SLC12A2: variants seen among roughly 807,000 people sequenced by gnomAD.
SLC12A2 encodes the protein solute carrier family 12 member 2.
SLC12A2 carries 67 observed loss-of-function variants against 136.3 expected under a neutral mutation model. The observed-to-expected ratio is 0.49, with a 90% confidence interval of 0.40 to 0.60. The LOEUF is 0.60. Ranked by LOEUF, SLC12A2 falls within the 20% of genes least tolerant of loss-of-function variation. The probability of loss-of-function intolerance (pLI) is 0.00; values close to 1 mark genes in which losing one functional copy is unlikely to be tolerated. For synonymous variants in SLC12A2, 619 were observed against 562.9 expected (o/e 1.10, Z -1.41); for missense variants, 1,322 against 1,534.7 (o/e 0.86, Z 2.32).
chr5:128,103,059 C>T (rs1004664173), intron 1 of SLC12A2, among the ~76,000 whole-genome samples: 6 of 152,086 alleles, frequency 3.9e-5, no homozygotes, highest in Non-Finnish European at 7.4e-5. Flanking sequence ...CGTTTTTATA[C>T]GAGTATCTTG....
intron 17 of SLC12A2, among the ~76,000 whole-genome samples, chr5:128,165,918 T>TTCC (rs1561698417): frequency 2.4e-4 from 20 of 83,816 alleles, no homozygotes; most frequent in South Asian, 5.3e-4. Context: ...TTCTTTTACC[T>TTCC]CCCCCCCCCC....
chr5:128,112,524 G>C (rs189107738), intron 1 of SLC12A2, among the ~76,000 whole-genome samples: 1 of 152,190 alleles, frequency 6.6e-6, no homozygotes, highest in East Asian at 1.9e-4. Context: ...GCAAACAGGA[G>C]TCATTGTTTC....
At chr5:128,120,033 CA>C (rs1761495692) in intron 4 of SLC12A2, among the ~76,000 whole-genome samples, 1 of 151,796 alleles carries the variant, frequency 6.6e-6, no homozygotes, top group Non-Finnish European at 1.5e-5. Context: ...ACAACCCCAT[CA>C]AAAAGTGGGC....
At chr5:128,130,252 T>TA (rs1345952796) in intron 4 of SLC12A2, among the ~76,000 whole-genome samples, 1 of 151,674 alleles carries the variant, frequency 6.6e-6, no homozygotes, top group Non-Finnish European at 1.5e-5. Context: ...TCTCTACTAA[T>TA]AATACAAAAA....
chr5:128,102,828 C>A (rs1231712992), intron 1 of SLC12A2, among the ~76,000 whole-genome samples: 2 of 151,216 alleles, frequency 1.3e-5, no homozygotes, highest in Non-Finnish European at 2.9e-5. Flanking sequence ...ACCTTTGTTG[C>A]CCAAGCTGGT....
At chr5:128,101,895 A>T (rs1424920837) in intron 1 of SLC12A2, among the ~76,000 whole-genome samples, 1 of 152,210 alleles carries the variant, frequency 6.6e-6, no homozygotes, top group Non-Finnish European at 1.5e-5. Flanking sequence ...CTTTAACACC[A>T]CCATGTGGAA....
At chr5:128,114,563 A>G (rs1396613971) in intron 3 of SLC12A2, 23 bp from the exon 4 acceptor site, 6 of 1,487,040 alleles carry the variant, frequency 4.0e-6, no homozygotes, top group East Asian at 2.3e-5. Context: ...AAGTATTCTC[A>G]TTGTCTTTCT....
At position 128,131,225 on chromosome 5, in the gene SLC12A2, A is replaced by G. The variant is rs1380476245; in HGVS notation, c.1188+19A>G. 1.2e-6 allele frequency: 2 copies of G among 1,613,080 alleles called. No homozygotes were observed. Among genetic ancestry groups the G allele is most frequent in the Non-Finnish European group, 1.7e-6 (2 of 1,179,246 alleles). On this transcript the variant is annotated intron_variant, in intron 5 of 26. Transcript: ENST00000262461. ...GCTTAAGGTAATTCACCTTCCTTCTAGTCATTCGTTTACCAAATCTTTATT... is the reference window on the plus strand; with the variant it reads ...GCTTAAGGTAATTCACCTTCCTTCTGGTCATTCGTTTACCAAATCTTTATT...
chr5:128,113,672 AAG>A (rs1761240274), intron 2 of SLC12A2, among the ~76,000 whole-genome samples: 1 of 152,198 alleles, frequency 6.6e-6, no homozygotes, highest in Non-Finnish European at 1.5e-5. Flanking sequence ...AGTGTTTTAG[AAG>A]ACTATGTTCT....
At chr5:128,134,731 A>T (rs1462880595) in intron 6 of SLC12A2, among the ~76,000 whole-genome samples, 1 of 152,100 alleles carries the variant, frequency 6.6e-6, no homozygotes, top group Non-Finnish European at 1.5e-5. Flanking sequence ...TCTGGAAAAA[A>T]TTGCTAAAGT....
rs1762746224 is a variant in SLC12A2, at chr5:128,152,814, TAAA to T, written c.2363+10_2363+12del. 1 of 1,541,984 alleles carries T rather than the reference TAAA, an allele frequency of 6.5e-7. No homozygotes were observed. The highest frequency in any genetic ancestry group is 9.0e-7 in the Non-Finnish European group (1 of 1,114,278). On this transcript the variant is annotated intron_variant, in intron 15 of 26. Coordinates refer to ENST00000262461, the MANE Select transcript of SLC12A2 (RefSeq NM_001046.3). ...CACGTGAAAAACTTTAGGTAAGTGA[TAAA>T]GAAGGAAACATGGAAGCATTTTCTC... is the stretch of plus-strand genomic sequence containing the variant.
intron 5 of SLC12A2, among the ~76,000 whole-genome samples, chr5:128,133,190 A>G (rs1158998652): frequency 3.9e-5 from 6 of 152,220 alleles, no homozygotes; most frequent in South Asian, 2.1e-4. Context: ...TTTGCAAAGT[A>G]AAAAGTATGT....
At chr5:128,150,907 A>C (rs527995554) in intron 13 of SLC12A2, among the ~76,000 whole-genome samples, 2 of 151,956 alleles carry the variant, frequency 1.3e-5, no homozygotes, top group Non-Finnish European at 2.9e-5. Flanking sequence ...TAAGGATTCA[A>C]TTTGAAACCT....
In SLC12A2 at chr5:128,110,848, T is replaced by C. The variant is rs1324337738; in HGVS notation, c.757-1966T>C. ...TAATCTCATGGATGATGACATATTC[T>C]GTTATTATTTCAAACTTTTCCAGGA... On this transcript the variant is annotated intron_variant, in intron 1 of 26. Coordinates refer to ENST00000262461, the MANE Select transcript of SLC12A2 (RefSeq NM_001046.3). 12 of 1,452,298 alleles carry C rather than the reference T, an allele frequency of 8.3e-6. No homozygotes were observed. The African/African-American group carries it at 1.5e-4, about 19-fold the overall frequency. The allele number at this position is 1,452,298 out of a possible 1,614,324, so 90.0% of individuals were successfully genotyped here.
At chr5:128,176,548 A>G (rs1041055960) in intron 20 of SLC12A2, among the ~76,000 whole-genome samples, 10 of 152,024 alleles carry the variant, frequency 6.6e-5, no homozygotes, top group African/African-American at 2.4e-4. Context: ...ACATATATAA[A>G]TTTATATATG....
At chr5:128,091,863 C>CT (rs1164498571) in intron 1 of SLC12A2, among the ~76,000 whole-genome samples, 1 of 152,146 alleles carries the variant, frequency 6.6e-6, no homozygotes, top group East Asian at 1.9e-4. Flanking sequence ...AAATTCTGTG[C>CT]TTTTTCTGAA....
In SLC12A2 at chr5:128,184,494, A is replaced by G. The variant is rs1763804549; in HGVS notation, c.3428A>G (p.Lys1143Arg). The change falls in exon 25 of 27, where the codon AAG (lysine) becomes AGG (arginine). Residue 1143 changes from lysine (K) to arginine (R), a missense_variant. Around this residue, in one of 8 missense-constraint regions of SLC12A2, gnomAD observed 172 missense variants for 227.4 expected, o/e 0.76. Coordinates refer to ENST00000262461, the MANE Select transcript of SLC12A2 (RefSeq NM_001046.3). ...RITDNELELYKTKTYRQIRLN... is the reference protein window; with the variant it reads ...RITDNELELYRTKTYRQIRLN... The stretch of plus-strand genomic sequence containing the variant: ...ACAGATAATGAGCTTGAACTTTATA[A>G]GACCAAGGTATTCTCTTCTGCTTCC... 6.3e-7 allele frequency: 1 copy of G among 1,588,656 alleles called. No individual in the cohort carries two copies. Among genetic ancestry groups the G allele is most frequent in the Middle Eastern group, 1.7e-4 (1 of 5,908 alleles).
Position 128,161,692 on chromosome 5 carries a change from C to T in SLC12A2, c.2508C>T (p.Ser836=). 6.7e-7 allele frequency: 1 copy of T among 1,483,718 alleles called. No individual in the cohort carries two copies. Among genetic ancestry groups the T allele is most frequent in the Admixed American group, 2.3e-5 (1 of 43,264 alleles). The allele number at this position is 1,483,718 out of a possible 1,614,324, so 91.9% of individuals were successfully genotyped here. Residue 836 remains serine (S), a synonymous_variant, in exon 17 of 27, where the codon TCC becomes TCT. Transcript: ENST00000262461. ...GPRRQAMKEM[S]IDQAKYQRWL... ...GAAGACAAGCCATGAAAGAGATGTC[C>T]ATCGATCAAGCCAAATATCAGCGAT... is the stretch of plus-strand genomic sequence containing the variant.
intron 23 of SLC12A2, among the ~76,000 whole-genome samples, chr5:128,181,952 G>C (rs1381741537): frequency 7.3e-6 from 1 of 136,518 alleles, no homozygotes; most frequent in Non-Finnish European, 1.5e-5. Context: ...CCCCCATCTA[G>C]TTGTTATGTT....
Sources: allele counts gnomAD v4.1 joint callset (sites outside exome capture counted in the v4.1 genomes callset), GRCh38; gene constraint gnomAD v4.1.1; regional missense constraint gnomAD v4.1.1; transcripts MANE v1.5; gene names NCBI Gene and HGNC (gene_info 2026-07-23, HGNC 2026-07-21).